Variants in CCNY observed in about 807,000 individuals in gnomAD.
The protein encoded by CCNY is cyclin Y.
In CCNY, 19 loss-of-function variants were observed where a neutral mutation model predicts 42.8. The ratio of observed to expected loss-of-function variants is 0.44; its 90% CI spans 0.31 to 0.65. CCNY has a LOEUF of 0.65. Among genes scored for constraint, CCNY ranks in the 30% least tolerant of loss-of-function variants. The probability of loss-of-function intolerance (pLI) is 0.07; values close to 1 mark genes in which losing one functional copy is unlikely to be tolerated. For synonymous variants in CCNY, 165 were observed against 162.7 expected (o/e 1.01, Z -0.11); for missense variants, 370 against 437.3 (o/e 0.85, Z 1.37).
At chr10:35,461,102 C>T (rs2135329507) in intron 1 of CCNY, among the ~76,000 whole-genome samples, 1 of 152,294 alleles carries the variant, frequency 6.6e-6, no homozygotes, top group East Asian at 1.9e-4. Context: ...CTGAAGGTCT[C>T]CTGTTTATGG....
Position 35,294,158 on chromosome 10 carries a change from T to A in CCNY, c.-9+43532T>A, listed in dbSNP as rs370765160. Among the ~76,000 whole-genome samples, 9 of 152,354 alleles carry A rather than the reference T, an allele frequency of 5.9e-5. No individual in the cohort carries two copies. In the East Asian group the frequency reaches 1.7e-3, roughly 29 times the overall value. On this transcript the variant is annotated intron_variant, in intron 3 of 11. Coordinates refer to the CCNY transcript ENST00000374706. ...GAACTCATAGCTTAGTTTTAAGGCT[T>A]TTTAAATTAAGCTCCTTAGGATATT...
chr10:35,429,521 T>G (rs1286496700), intron 1 of CCNY, among the ~76,000 whole-genome samples: 4 of 152,178 alleles, frequency 2.6e-5, no homozygotes, highest in Non-Finnish European at 4.4e-5. Flanking sequence ...ATATTTGACA[T>G]GTGTCATCCT....
At chr10:35,470,618 G>T (rs1306548794) in intron 1 of CCNY, among the ~76,000 whole-genome samples, 1 of 152,216 alleles carries the variant, frequency 6.6e-6, no homozygotes, top group Non-Finnish European at 1.5e-5. Context: ...AAGTCAGTGG[G>T]AGTAGAAAAG....
intron 1 of CCNY, among the ~76,000 whole-genome samples, chr10:35,406,264 G>C (rs1837765006): frequency 7.9e-6 from 1 of 127,230 alleles, no homozygotes; most frequent in Admixed American, 8.2e-5. Flanking sequence ...TCATTCTTGG[G>C]TGTTTCTTGT....
intron 4 of CCNY, among the ~76,000 whole-genome samples, chr10:35,519,878 A>G (rs1412054556): frequency 6.9e-6 from 1 of 145,760 alleles, no homozygotes; most frequent in Non-Finnish European, 1.5e-5. Flanking sequence ...CCCAGGCTCA[A>G]GAGATCCTCC....
chr10:35,512,432 C>CA (rs2135403309), intron 3 of CCNY, among the ~76,000 whole-genome samples: 1 of 152,198 alleles, frequency 6.6e-6, no homozygotes, highest in South Asian at 2.1e-4. Context: ...TTCAGAGAAG[C>CA]AGAGTCCACA....
chr10:35,320,552 T>C (rs956157701), intron 3 of CCNY, among the ~76,000 whole-genome samples: 2 of 152,158 alleles, frequency 1.3e-5, no homozygotes, highest in Non-Finnish European at 2.9e-5. Flanking sequence ...CTCCTCAGAT[T>C]GAAAATAAGG....
chr10:35,547,568 C>T (rs1378136925), intron 7 of CCNY, among the ~76,000 whole-genome samples: 2 of 152,146 alleles, frequency 1.3e-5, no homozygotes, highest in South Asian at 2.1e-4. Flanking sequence ...TACACCTTGT[C>T]GATGCAGTTC....
chr10:35,569,316 A>C lies in CCNY; in HGVS notation c.*146A>C, dbSNP rs902115747. 1.3e-5 allele frequency: 8 copies of C among 629,888 alleles called. No homozygotes were observed. In the South Asian group the frequency reaches 1.5e-4, roughly 12 times the overall value. The allele number at this position is 629,888 out of a possible 1,614,324, so 39.0% of individuals were successfully genotyped here. The stretch of plus-strand genomic sequence containing the variant: ...CGTCAAGCTGCCTGGATGAGCGCCC[A>C]TGCAGCAAGGCTTGGAGGAAGCGTC... On this transcript the variant is annotated 3_prime_UTR_variant, in exon 10 of 10. Coordinates refer to ENST00000374704, the MANE Select transcript of CCNY (RefSeq NM_145012.6).
chr10:35,423,752 T>C (rs1838208959), intron 1 of CCNY, among the ~76,000 whole-genome samples: 1 of 152,250 alleles, frequency 6.6e-6, no homozygotes, highest in South Asian at 2.1e-4. Flanking sequence ...ATTAGGTAAG[T>C]GATTAAAAAT....
intron 3 of CCNY, among the ~76,000 whole-genome samples, chr10:35,324,675 C>T (rs1323346861): frequency 1.3e-5 from 2 of 152,164 alleles, no homozygotes; most frequent in African/African-American, 4.8e-5. Flanking sequence ...TGATGAGAAA[C>T]TCATACTTAT....
intron 3 of CCNY, among the ~76,000 whole-genome samples, chr10:35,257,001 A>C (rs1371403876): frequency 2.0e-5 from 3 of 152,174 alleles, no homozygotes; most frequent in Non-Finnish European, 2.9e-5. Context: ...ATCATATAGA[A>C]AACAAAAAGT....
chr10:35,419,553 A>G (rs946005379), intron 1 of CCNY, among the ~76,000 whole-genome samples: 11 of 130,954 alleles, frequency 8.4e-5, no homozygotes, highest in African/African-American at 4.0e-4. Context: ...TTTTTTAGCA[A>G]TCTGGAGGAT....
chr10:35,439,129 C>G (rs1011116720), intron 1 of CCNY, among the ~76,000 whole-genome samples: 3 of 152,032 alleles, frequency 2.0e-5, no homozygotes, highest in Non-Finnish European at 4.4e-5. Flanking sequence ...CTTTTTGAAT[C>G]TTGGGTTTCT....
intron 3 of CCNY, among the ~76,000 whole-genome samples, chr10:35,263,114 T>C (rs1424130956): frequency 5.9e-5 from 9 of 151,812 alleles, no homozygotes; most frequent in Admixed American, 5.9e-4. Flanking sequence ...ACCAGCACTT[T>C]GGGAGGGCGA....
In CCNY at chr10:35,287,254, G is replaced by A. The variant is rs574580947; in HGVS notation, c.-9+36628G>A. 2.0e-5 allele frequency among the ~76,000 whole-genome samples: 3 copies of A among 152,152 alleles called. No individual in the cohort carries two copies. In the South Asian group the frequency reaches 6.2e-4, roughly 32 times the overall value. On this transcript the variant is annotated intron_variant, in intron 3 of 11. Coordinates refer to the CCNY transcript ENST00000374706. Reference sequence around the variant, plus strand: ...GGAGAAAGCCTAAAATTATTTTGAGGATATTGTGTTCCCAATTTAAATAAT... The same window carrying A: ...GGAGAAAGCCTAAAATTATTTTGAGAATATTGTGTTCCCAATTTAAATAAT...
chr10:35,535,516 A>ATATGTG (rs1400967679), intron 7 of CCNY, among the ~76,000 whole-genome samples: 2 of 152,040 alleles, frequency 1.3e-5, no homozygotes, highest in East Asian at 1.9e-4. Context: ...ATGTGTATGT[A>ATATGTG]TATGTGTATG....
At chr10:35,541,924 A>G (rs1456653920) in intron 7 of CCNY, among the ~76,000 whole-genome samples, 2 of 139,102 alleles carry the variant, frequency 1.4e-5, no homozygotes, top group East Asian at 2.1e-4. Flanking sequence ...AGGACACCAT[A>G]TTGTGTCTAG....
At chr10:35,419,533 CT>C (rs34429228) in intron 1 of CCNY, among the ~76,000 whole-genome samples, 46,615 of 129,630 alleles carry the variant, frequency 0.36, 8,689 homozygotes, top group African/African-American at 0.44. Flanking sequence ...TAGACCGTTC[CT>C]TTTTTTTTTT....
Sources: allele counts gnomAD v4.1 joint callset (sites outside exome capture counted in the v4.1 genomes callset), GRCh38; gene constraint gnomAD v4.1.1; transcripts MANE v1.5; gene names NCBI Gene and HGNC (gene_info 2026-07-23, HGNC 2026-07-21).